The following MLX variants were observed in gnomAD, a reference collection of about 807,000 sequenced individuals.
The protein encoded by MLX is MAX dimerization protein MLX.
Under a neutral mutation model 33.0 loss-of-function variants are expected in MLX, and 15 were observed. The observed-to-expected ratio is 0.45, with a 90% confidence interval of 0.30 to 0.70. MLX has a LOEUF of 0.70. Among genes scored for constraint, MLX ranks in the 30% least tolerant of loss-of-function variants. MLX has a pLI of 0.07. For missense variants in MLX, 285 were observed against 306.3 expected, an observed-to-expected ratio of 0.93 and a Z score of 0.52; for synonymous variants, 115 against 115.6, an observed-to-expected ratio of 0.99 and a Z score of 0.03.
chr17:42,567,644 G>T lies in MLX; in HGVS notation c.68G>T (p.Ser23Ile). 2 of 1,614,156 alleles carry T rather than the reference G, an allele frequency of 1.2e-6. No individual in the cohort carries two copies. The highest frequency in any genetic ancestry group is 8.5e-7 in the Non-Finnish European group (1 of 1,180,004). The change falls in exon 2 of 8, where the codon AGC becomes ATC. Residue 23 changes from serine (S) to isoleucine (I), a missense_variant. Transcript: ENST00000435881. ...GTGGAGTATGCCTACAGCGACAACA[G>T]CCTGGACCCCGGTGAGTAGCTGCCC... Reference protein sequence around the residue: ...VKVEYAYSDNSLDPGLFVEST... With the variant: ...VKVEYAYSDNILDPGLFVEST...
chr17:42,571,605 C>G lies in MLX; in HGVS notation c.*2C>G. 1.2e-6 allele frequency: 2 copies of G among 1,613,694 alleles called. No individual in the cohort carries two copies. Among genetic ancestry groups the G allele is most frequent in the South Asian group, 1.1e-5 (1 of 91,064 alleles). On this transcript the variant is annotated 3_prime_UTR_variant, in exon 8 of 8. Transcript: ENST00000435881. ...CAATTGAAAAACCAGCTTTACTGAC[C>G]GGTTCTTGGAAACCTGGAGAACAGC...
chr17:42,568,002 C>T lies in MLX; in HGVS notation c.79+347C>T, dbSNP rs556973703. On this transcript the variant is annotated intron_variant, in intron 2 of 7. Coordinates refer to ENST00000435881, the MANE Select transcript of MLX (RefSeq NM_198204.2). ...AGGGAGCAGAGCACTGCAGCGTGGT[C>T]TGGCAGGAAGTGGGGGGCCCAGTAT... The T allele has an allele frequency of 3.3e-5, 11 of 336,282 alleles. No homozygotes were observed. The South Asian group carries it at 4.4e-4, about 14-fold the overall frequency. 20.8% of individuals were successfully genotyped at this position (336,282 alleles called of 1,614,324 possible). A position where few individuals can be genotyped will look rare whatever the true frequency, so the allele number is the denominator to read the frequency against.
chr17:42,569,345 G>A, intron 5 of MLX, 42 bp downstream of exon 5: 1 of 1,590,648 alleles, frequency 6.3e-7, no homozygotes, highest in South Asian at 1.1e-5. Context: ...AGCCAAGCGG[G>A]GCTGTGAAGA....
In MLX at chr17:42,572,594, C is replaced by G; in HGVS notation, c.*991C>G. 2.2e-6 allele frequency: 1 copy of G among 452,942 alleles called. No individual in the cohort carries two copies. The highest frequency in any genetic ancestry group is 4.4e-6 in the Non-Finnish European group (1 of 226,124). 28.1% of individuals were successfully genotyped at this position (452,942 alleles called of 1,614,324 possible). On this transcript the variant is annotated 3_prime_UTR_variant, in exon 8 of 8. Transcript: ENST00000435881. ...ATAGCAACCTCTCTCTACCCTAGTT[C>G]TCCAAATTCACTTCTGCCTTCCTCA... is the stretch of plus-strand genomic sequence containing the variant.
At chr17:42,569,765 T>C in intron 6 of MLX, 159 bp downstream of exon 6, 2 of 723,564 alleles carry the variant, frequency 2.8e-6, no homozygotes, top group South Asian at 3.4e-5. Flanking sequence ...TCCTTACACA[T>C]GGCAGACACT....
rs777329316 is a variant in MLX at position 42,567,172 on chromosome 17, C to T, written c.42+6C>T. ...CCGAGGACCCTTGGGTCAAGGCAAG[C>T]CCCGTGGGCGCGCACGCCGGCGAGG... On this transcript the variant is annotated splice_donor_region_variant and intron_variant, in intron 1 of 7. Transcript: ENST00000435881. 7.7e-7 allele frequency: 1 copy of T among 1,296,682 alleles called. No homozygotes were observed. The highest frequency in any genetic ancestry group is 9.8e-7 in the Non-Finnish European group (1 of 1,021,452). 80.3% of individuals were successfully genotyped at this position (1,296,682 alleles called of 1,614,324 possible).
At position 42,570,019 on chromosome 17, in the gene MLX, C is replaced by G. The variant is rs747033129; in HGVS notation, c.514C>G (p.Pro172Ala). The G allele has an allele frequency of 6.2e-7, 1 of 1,613,938 alleles. No homozygotes were observed. The highest frequency in any genetic ancestry group is 8.5e-7 in the Non-Finnish European group (1 of 1,180,034). ...EQIVKAHQDN[P>A]HEGEDQVSDQ... ...GATTGTGAAGGCACACCAGGACAAC[C>G]CCCATGAAGGGGAGGACCAGGTCTC... Residue 172 changes from proline to alanine, a missense_variant, in exon 7 of 8, where the codon CCC becomes GCC. Physicochemically the swap from Pro to Ala is conservative, Grantham distance 27 (BLOSUM62 -1). Coordinates refer to ENST00000435881, the MANE Select transcript of MLX (RefSeq NM_198204.2).
intron 2 of MLX, chr17:42,567,867 A>T: frequency 3.3e-6 from 2 of 614,050 alleles, no homozygotes; most frequent in South Asian, 3.9e-5. Flanking sequence ...GGTGGAACTG[A>T]TCACTCACCA....
At chr17:42,571,038 C>A (rs2093029666) in intron 7 of MLX, among the ~76,000 whole-genome samples, 1 of 152,090 alleles carries the variant, frequency 6.6e-6, no homozygotes, top group Non-Finnish European at 1.5e-5. Context: ...CGTATACCCG[C>A]TCCCTAAATT....
rs1330823824 is a variant in MLX at position 42,571,892 on chromosome 17, A to G, written c.*289A>G. 4 of 437,756 alleles carry G rather than the reference A, an allele frequency of 9.1e-6. No homozygotes were observed. Among genetic ancestry groups the G allele is most frequent in the African/African-American group, 6.0e-5 (3 of 49,860 alleles). The allele number at this position is 437,756 out of a possible 1,614,324, so 27.1% of individuals were successfully genotyped here. ...ATGGGCGTCTGCTCTGGACACCCCA[A>G]AGAGCTCCTGCCCTCTCAGCCCTTT... On this transcript the variant is annotated 3_prime_UTR_variant, in exon 8 of 8. Coordinates refer to ENST00000435881, the MANE Select transcript of MLX (RefSeq NM_198204.2).
Position 42,567,181 on chromosome 17 carries a change from C to T in MLX, c.42+15C>T, listed in dbSNP as rs745622001. The T allele has an allele frequency of 7.7e-7, 1 of 1,292,116 alleles. No individual in the cohort carries two copies. The highest frequency in any genetic ancestry group is 3.0e-5 in the East Asian group (1 of 33,724). 80.0% of individuals were successfully genotyped at this position (1,292,116 alleles called of 1,614,324 possible). Reference sequence around the variant, plus strand: ...CTTGGGTCAAGGCAAGCCCCGTGGGCGCGCACGCCGGCGAGGGGAGGGCGG... The same window carrying T: ...CTTGGGTCAAGGCAAGCCCCGTGGGTGCGCACGCCGGCGAGGGGAGGGCGG... On this transcript the variant is annotated intron_variant, in intron 1 of 7. Transcript: ENST00000435881.
intron 3 of MLX, 132 bp downstream of exon 3, chr17:42,568,691 C>T (rs1308343789): frequency 1.9e-6 from 2 of 1,068,760 alleles, no homozygotes; most frequent in African/African-American, 1.6e-5. Flanking sequence ...AAGGTCTCAC[C>T]ATCTTTCACC....
At chr17:42,567,340 A>G (rs1018190293) in intron 1 of MLX, 174 bp downstream of exon 1, 1 of 1,409,164 alleles carries the variant, frequency 7.1e-7, no homozygotes, top group Non-Finnish European at 9.3e-7. Context: ...TGGGGAGACA[A>G]ACGAGGCGTG....
At chr17:42,570,262 A>G in intron 7 of MLX, 79 bp downstream of exon 7, 1 of 1,416,384 alleles carries the variant, frequency 7.1e-7, no homozygotes, top group Non-Finnish European at 9.8e-7. Flanking sequence ...AGCTGTTGAG[A>G]AAAGCGTGGC....
chr17:42,572,577 C>T lies in MLX; in HGVS notation c.*974C>T. On this transcript the variant is annotated 3_prime_UTR_variant, in exon 8 of 8. Coordinates refer to ENST00000435881, the MANE Select transcript of MLX (RefSeq NM_198204.2). ...CTCCAAATGCTCGTTTTATAGCAAC[C>T]TCTCTCTACCCTAGTTCTCCAAATT... 2.2e-6 allele frequency: 1 copy of T among 453,624 alleles called. No homozygotes were observed. The highest frequency in any genetic ancestry group is 4.4e-6 in the Non-Finnish European group (1 of 226,470). 28.1% of individuals were successfully genotyped at this position (453,624 alleles called of 1,614,324 possible).
rs1345753094 is a variant in MLX at position 42,568,946 on chromosome 17, G to C, written c.276+3G>C. ...AGAAGAGGAGGGACGCCATCAAGGT[G>C]AACAGGGAGGCCTGTGCCTCAGCCA... On this transcript the variant is annotated splice_donor_region_variant and intron_variant, in intron 4 of 7. Transcript: ENST00000435881. The C allele has an allele frequency of 1.2e-6, 2 of 1,604,634 alleles. No homozygotes were observed. Among genetic ancestry groups the C allele is most frequent in the Admixed American group, 3.4e-5 (2 of 59,032 alleles).
chr17:42,567,939 G>A (rs2093015497), intron 2 of MLX: 1 of 545,246 alleles, frequency 1.8e-6, no homozygotes, highest in East Asian at 3.1e-5. Flanking sequence ...TGTGAGCCAG[G>A]GGGGTATCAT....
chr17:42,569,217 A>G lies in MLX; in HGVS notation c.290A>G (p.Asp97Gly). ...CTGTTTCCACAGAGAGGCTATGATG[A>G]CCTTCAGACCATCGTCCCCACTTGC... ...RRDAIKRGYD[D>G]LQTIVPTCQQ... is the part of the protein sequence containing the mutation. The change falls in exon 5 of 8, where the codon GAC becomes GGC. Residue 97 changes from aspartate (D) to glycine (G), a missense_variant. Transcript: ENST00000435881. The G allele has an allele frequency of 6.2e-7, 1 of 1,614,040 alleles. No homozygotes were observed. Among genetic ancestry groups the G allele is most frequent in the Non-Finnish European group, 8.5e-7 (1 of 1,179,974 alleles).
chr17:42,568,875 G>A lies in MLX; in HGVS notation c.208G>A (p.Glu70Lys). 6.2e-7 allele frequency: 1 copy of A among 1,611,890 alleles called. No homozygotes were observed. Among genetic ancestry groups the A allele is most frequent in the African/African-American group, 1.3e-5 (1 of 74,972 alleles). Residue 70 changes from glutamate (E) to lysine (K), a missense_variant, in exon 4 of 8, where the codon GAG becomes AAG. Transcript: ENST00000435881. The part of the protein sequence containing the change: ...DSDYHQEAYK[E>K]SYKDRRRRAH... ...TGATTACCACCAGGAGGCCTACAAG[G>A]AGTCCTACAAAGACCGGCGGCGGCG...
Sources: allele counts gnomAD v4.1 joint callset (sites outside exome capture counted in the v4.1 genomes callset), GRCh38; gene constraint gnomAD v4.1.1; transcripts MANE v1.5; gene names NCBI Gene and HGNC (gene_info 2026-07-23, HGNC 2026-07-21).